Variants in KRTAP6-1 observed in about 807,000 individuals in gnomAD.
KRTAP6-1 encodes keratin associated protein 6-1.
Under a neutral mutation model 1.6 loss-of-function variants are expected in KRTAP6-1, and 2 were observed. The observed-to-expected ratio is 1.22, with a 90% CI of 0.50 to 3.85. KRTAP6-1 has a LOEUF of 3.85. Ranked by LOEUF, KRTAP6-1 falls within the 30% of genes most tolerant of loss-of-function variation. The pLI, the probability that KRTAP6-1 is intolerant of heterozygous loss-of-function variation, is 0.07. For synonymous variants in KRTAP6-1, 38 were observed against 38.5 expected, an observed-to-expected ratio of 0.99 and a Z score of 0.05; for missense variants, 78 against 87.7, an observed-to-expected ratio of 0.89 and a Z score of 0.44.
exon 1 of KRTAP6-1, chr21:30,613,434 C>T: frequency 1.6e-6 from 1 of 608,818 alleles, no homozygotes; most frequent in Middle Eastern, 4.8e-4. Flanking sequence ...AAAGCTCCAT[C>T]ATAAAAGTCA....
At chr21:30,613,747 G>GAGCCAT (rs768400064) in exon 1 of KRTAP6-1, 59 of 1,613,498 alleles carry the variant, frequency 3.7e-5, no homozygotes, top group Admixed American at 2.5e-4. Flanking sequence ...GAGGGAGCGG[G>GAGCCAT]AGCCATAGCC....
exon 1 of KRTAP6-1, chr21:30,613,614 C>A (rs1266882638): frequency 3.8e-6 from 6 of 1,598,656 alleles, no homozygotes; most frequent in Non-Finnish European, 5.1e-6. Flanking sequence ...AAGGGAAAAT[C>A]TCAGAACATG....
exon 1 of KRTAP6-1, chr21:30,613,870 G>T: frequency 2.5e-6 from 4 of 1,614,148 alleles, no homozygotes; most frequent in Non-Finnish European, 3.4e-6. Flanking sequence ...ATAGCCAGGG[G>T]TGCCATAGTA....
exon 1 of KRTAP6-1, chr21:30,613,754 A>T: frequency 1.2e-6 from 2 of 1,613,628 alleles, no homozygotes; most frequent in Non-Finnish European, 1.7e-6. Flanking sequence ...CGGGAGCCAT[A>T]GCCATAGCCA....
chr21:30,613,887 G>T, the KRTAP6-1 span: 3 of 1,614,020 alleles, frequency 1.9e-6, no homozygotes, highest in East Asian at 6.7e-5. Context: ...AGTAGTTTCC[G>T]TAGTAGCTGC....
At chr21:30,613,482 G>A in exon 1 of KRTAP6-1, 2 of 1,019,940 alleles carry the variant, frequency 2.0e-6, no homozygotes, top group Admixed American at 2.9e-5. Flanking sequence ...TCTGATGAAA[G>A]GAGAACTGAC....
exon 1 of KRTAP6-1, chr21:30,613,552 G>T: frequency 6.8e-7 from 1 of 1,474,308 alleles, no homozygotes; most frequent in Non-Finnish European, 9.1e-7. Flanking sequence ...TAGGTTAGAT[G>T]GTAGCTCAAC....
At chr21:30,613,550 A>G (rs1980615720) in exon 1 of KRTAP6-1, 2 of 1,469,634 alleles carry the variant, frequency 1.4e-6, no homozygotes, top group Admixed American at 4.8e-5. Flanking sequence ...TGTAGGTTAG[A>G]TGGTAGCTCA....
exon 1 of KRTAP6-1, chr21:30,613,661 T>C (rs776982523): frequency 6.2e-7 from 1 of 1,613,680 alleles, no homozygotes; most frequent in African/African-American, 1.3e-5. Flanking sequence ...TATCACAGGA[T>C]AGAGGGTGAG....
exon 1 of KRTAP6-1, chr21:30,613,796 A>AGGAGCC: frequency 6.2e-7 from 1 of 1,613,608 alleles, no homozygotes; most frequent in Non-Finnish European, 8.5e-7. Flanking sequence ...CAGCCACAGC[A>AGGAGCC]GGAGCCATAG....
At chr21:30,613,602 T>C in exon 1 of KRTAP6-1, 2 of 1,590,998 alleles carry the variant, frequency 1.3e-6, no homozygotes, top group South Asian at 1.1e-5. Flanking sequence ...ATATCATCAC[T>C]CAAGGGAAAA....
exon 1 of KRTAP6-1, chr21:30,613,869 G>T (rs774586247): frequency 1.9e-6 from 3 of 1,614,050 alleles, no homozygotes; most frequent in East Asian, 4.5e-5. Flanking sequence ...CATAGCCAGG[G>T]GTGCCATAGT....
chr21:30,613,726 C>T (rs1050773164), exon 1 of KRTAP6-1: 2 of 1,613,986 alleles, frequency 1.2e-6, no homozygotes, highest in East Asian at 2.2e-5. Context: ...GCATCCATAG[C>T]CATAGCCACA....
chr21:30,613,793 A>G, exon 1 of KRTAP6-1: 1 of 1,613,622 alleles, frequency 6.2e-7, no homozygotes, highest in Non-Finnish European at 8.5e-7. Flanking sequence ...CCACAGCCAC[A>G]GCAGGAGCCA....
chr21:30,613,901 A>G (rs776679962), exon 1 of KRTAP6-1: 2 of 1,614,136 alleles, frequency 1.2e-6, no homozygotes, highest in Admixed American at 3.3e-5. Context: ...TAGCTGCCAC[A>G]CATGGTGTTG....
At chr21:30,613,907 T>A (rs750117215) in exon 1 of KRTAP6-1, 3 of 1,613,884 alleles carry the variant, frequency 1.9e-6, no homozygotes, top group African/African-American at 2.7e-5. Flanking sequence ...CCACACATGG[T>A]GTTGGTTGTG....
exon 1 of KRTAP6-1, chr21:30,613,752 A>G: frequency 6.2e-7 from 1 of 1,613,588 alleles, no homozygotes; most frequent in Non-Finnish European, 8.5e-7. Flanking sequence ...AGCGGGAGCC[A>G]TAGCCATAGC....
the KRTAP6-1 span, chr21:30,613,698 G>C: frequency 1.2e-6 from 2 of 1,614,078 alleles, no homozygotes; most frequent in African/African-American, 1.3e-5. Context: ...CTCAATAATA[G>C]TAGCCAGAGC....
exon 1 of KRTAP6-1, chr21:30,613,807 C>A (rs753459489): frequency 6.2e-7 from 1 of 1,613,776 alleles, no homozygotes; most frequent in Non-Finnish European, 8.5e-7. Context: ...GGAGCCATAG[C>A]CACAGCCCAG....
Sources: gnomAD v4.1 joint callset for allele counts on GRCh38, gnomAD v4.1.1 for gene constraint, MANE v1.5 for transcripts, NCBI Gene and HGNC (gene_info 2026-07-23, HGNC 2026-07-21) for gene names.